Variants in ALG9 observed in about 807,000 individuals in gnomAD.
ALG9 encodes the protein alpha-1,2-mannosyltransferase ALG9.
In ALG9, 55 loss-of-function variants were observed where a neutral mutation model predicts 81.8. That is an observed-to-expected ratio of 0.67 (90% CI 0.54 to 0.84). The LOEUF is 0.84. Among genes scored for constraint, ALG9 ranks in the 40% least tolerant of loss-of-function variants. ALG9 has a pLI of 0.00. For synonymous variants in ALG9, 278 were observed against 274.3 expected (o/e 1.01, Z -0.13); for missense variants, 629 against 745.0 (o/e 0.84, Z 1.81).
the ALG9 span, chr11:111,771,247 CAT>C: frequency 6.6e-6 from 1 of 152,406 alleles, no homozygotes; most frequent in Non-Finnish European, 1.5e-5. Flanking sequence ...GCCTGGCCAA[CAT>C]AGTGAAACCC....
In ALG9 at chr11:111,868,669, G is replaced by C; in HGVS notation, c.338C>G (p.Ser113Cys). Residue 113 changes from serine (S) to cysteine (C), a missense_variant, in exon 3 of 15, where the codon TCC becomes TGC. This residue lies in a region of ALG9 where 344 missense variants were observed against 390.5 expected (regional missense o/e 0.88). Transcript: ENST00000616540. ...WEYSPAYAIRSYAYLLLHAWP... is the reference protein window; with the variant it reads ...WEYSPAYAIRCYAYLLLHAWP... Reference sequence around the variant, plus strand: ...GGCATGAAGCAACAGGTAAGCATAGGAGCGAATGGCATATGCTGGGGAATA... The same window carrying C: ...GGCATGAAGCAACAGGTAAGCATAGCAGCGAATGGCATATGCTGGGGAATA... The C allele has an allele frequency of 6.2e-7, 1 of 1,613,964 alleles. No homozygotes were observed. Among genetic ancestry groups the C allele is most frequent in the Non-Finnish European group, 8.5e-7 (1 of 1,179,852 alleles).
downstream of ALG9, among the ~76,000 whole-genome samples, chr11:111,778,822 T>C (rs1162549223): frequency 3.2e-4 from 48 of 151,346 alleles, no homozygotes; most frequent in Non-Finnish European, 6.2e-4. Context: ...TTTTCTTTTT[T>C]TTTTTTTTTG....
chr11:111,852,960 T>G (rs868909970), intron 8 of ALG9, among the ~76,000 whole-genome samples: 44 of 122,706 alleles, frequency 3.6e-4, no homozygotes, highest in Non-Finnish European at 6.1e-4. Flanking sequence ...AAAAAAAAAA[T>G]GTCTGGGGTA....
chr11:111,782,021 T>G (rs371021741), downstream of ALG9, among the ~76,000 whole-genome samples: 34 of 152,322 alleles, frequency 2.2e-4, no homozygotes, highest in Middle Eastern at 6.8e-3. Context: ...TCCCAAAGTC[T>G]TCTTCTAAAG....
Position 111,819,871 on chromosome 11 carries a change from A to G in ALG9, c.1603-10098T>C, listed in dbSNP as rs1592044191. ...GTACCTGGCATATCTCAGGCAGTCA[A>G]AAAGTATTTGCGGAAGGAAAGAATG... On this transcript the variant is annotated intron_variant, in intron 13 of 14. Coordinates refer to ENST00000616540, the MANE Select transcript of ALG9 (RefSeq NM_024740.2). Among the ~76,000 whole-genome samples, 3 of 152,214 alleles carry G rather than the reference A, an allele frequency of 2.0e-5. No individual in the cohort carries two copies. In the East Asian group the frequency reaches 5.8e-4, roughly 29 times the overall value.
At chr11:111,861,412 C>G (rs926244943) in intron 4 of ALG9, among the ~76,000 whole-genome samples, 3 of 152,188 alleles carry the variant, frequency 2.0e-5, no homozygotes, top group African/African-American at 7.2e-5. Flanking sequence ...CAATAAGAAT[C>G]TGTTAATGAT....
chr11:111,856,135 G>A (rs1958629519), intron 6 of ALG9, among the ~76,000 whole-genome samples: 1 of 151,884 alleles, frequency 6.6e-6, no homozygotes, highest in South Asian at 2.1e-4. Flanking sequence ...AAATTAGCTG[G>A]GCGTGGTGGC....
At chr11:111,826,268 C>T (rs1316442797) in intron 13 of ALG9, among the ~76,000 whole-genome samples, 4 of 151,260 alleles carry the variant, frequency 2.6e-5, no homozygotes, top group African/African-American at 4.9e-5. Context: ...GGTCCATAGT[C>T]CCAGCTACTT....
rs113655507 is a variant in ALG9 at position 111,860,887 on chromosome 11, T to C, written c.477-252A>G. ...AAGATTATATCTATCAAGTGGAAAA[T>C]AGAATGATGTGGTGAAAAATAATAG... On this transcript the variant is annotated intron_variant, in intron 4 of 14. Transcript: ENST00000616540. Among the ~76,000 whole-genome samples the C allele has an allele frequency of 6.5e-3, 987 of 152,272 alleles. 10 individuals carry two copies. The highest frequency in any genetic ancestry group is 0.022 in the African/African-American group (916 of 41,536).
chr11:111,837,219 G>A (rs1000488457), intron 12 of ALG9, among the ~76,000 whole-genome samples: 5 of 152,144 alleles, frequency 3.3e-5, no homozygotes. Flanking sequence ...GGCATTTTCA[G>A]AAGTCCCCAG....
chr11:111,868,611 T>A lies in ALG9; in HGVS notation c.396A>T (p.Gln132His), dbSNP rs1484179336. Reference protein sequence around the residue: ...WPAAFHARILQTNKILVFYFL... With the variant: ...WPAAFHARILHTNKILVFYFL... ...GTTGGTCTGCCCTTACCTTATTAGT[T>A]TGTAGAATTCTTGCATGAAATGCAG... Residue 132 changes from glutamine to histidine, a missense_variant, in exon 3 of 15, where the codon CAA becomes CAT. By Grantham distance (24) the Gln-to-His change is conservative (BLOSUM62 0). Transcript: ENST00000616540. The A allele has an allele frequency of 6.2e-7, 1 of 1,613,824 alleles. No homozygotes were observed. The highest frequency in any genetic ancestry group is 1.3e-5 in the African/African-American group (1 of 74,944).
In ALG9 at chr11:111,795,548, A is replaced by C. The variant is rs34015756; in HGVS notation, c.1734-9028T>G. Among the ~76,000 whole-genome samples, 701 of 152,352 alleles carry C rather than the reference A, an allele frequency of 4.6e-3. 7 individuals carry two copies. The highest frequency in any genetic ancestry group is 0.01 in the South Asian group (49 of 4,834). On this transcript the variant is annotated intron_variant, in intron 14 of 14. Coordinates refer to ENST00000616540, the MANE Select transcript of ALG9 (RefSeq NM_024740.2). ...TTGCTGAATCAGCATTATCCATGTG[A>C]CCAGTATGATATTTTACTTTCAGCA...
chr11:111,826,701 C>T (rs1194987925), intron 13 of ALG9, among the ~76,000 whole-genome samples: 1 of 152,158 alleles, frequency 6.6e-6, no homozygotes, highest in Non-Finnish European at 1.5e-5. Flanking sequence ...TTTCCTCATT[C>T]ATCATTTCAG....
In ALG9 at chr11:111,868,609, G is replaced by C; in HGVS notation, c.398C>G (p.Thr133Ser). The C allele has an allele frequency of 6.2e-7, 1 of 1,613,886 alleles. No individual in the cohort carries two copies. The stretch of plus-strand genomic sequence containing the variant: ...AGGTTGGTCTGCCCTTACCTTATTA[G>C]TTTGTAGAATTCTTGCATGAAATGC... Reference protein sequence around the residue: ...PAAFHARILQTNKILVFYFLR... With the variant: ...PAAFHARILQSNKILVFYFLR... Residue 133 changes from threonine to serine, a missense_variant, in exon 3 of 15, where the codon ACT becomes AGT. Physicochemically the swap from Thr to Ser is moderately conservative, Grantham distance 58 (BLOSUM62 1). Coordinates refer to ENST00000616540, the MANE Select transcript of ALG9 (RefSeq NM_024740.2).
At chr11:111,865,942 T>C (rs1309520000) in intron 3 of ALG9, among the ~76,000 whole-genome samples, 1 of 152,200 alleles carries the variant, frequency 6.6e-6, no homozygotes, top group Non-Finnish European at 1.5e-5. Context: ...AGCTTTATAC[T>C]ACAGAATACC....
In ALG9 at chr11:111,838,364, A is replaced by G; in HGVS notation, c.1209T>C (p.Phe403=). 6.2e-7 allele frequency: 1 copy of G among 1,613,630 alleles called. No individual in the cohort carries two copies. Among genetic ancestry groups the G allele is most frequent in the Middle Eastern group, 1.6e-4 (1 of 6,062 alleles). ...SFLYFQKCYH[F]VFQRYRLEHY... ...GCTCCAGGCGATATCGTTGAAACAC[A>G]AAGTGGTAACATTTCTGGAAGTACA... The change falls in exon 11 of 15, where the codon TTT becomes TTC. Residue 403 remains phenylalanine (F), a synonymous_variant. Coordinates refer to ENST00000616540, the MANE Select transcript of ALG9 (RefSeq NM_024740.2).
At chr11:111,780,940 CATT>C (rs1945899278), downstream of ALG9, among the ~76,000 whole-genome samples, 1 of 151,986 alleles carries the variant, frequency 6.6e-6, no homozygotes, top group Non-Finnish European at 1.5e-5. Flanking sequence ...GGTTCTATGC[CATT>C]ATTAAGGACA....
chr11:111,770,297 T>C, the ALG9 span, among the ~76,000 whole-genome samples: 105 of 152,208 alleles, frequency 6.9e-4, no homozygotes, highest in African/African-American at 2.3e-3. Flanking sequence ...CTAGTGTGCA[T>C]TGATACTTGA....
chr11:111,861,451 C>G (rs1208812187), intron 4 of ALG9, among the ~76,000 whole-genome samples: 1 of 152,082 alleles, frequency 6.6e-6, no homozygotes, highest in African/African-American at 2.4e-5. Flanking sequence ...TGGTTGGTTT[C>G]CTTTCGTTTC....
Sources: allele counts gnomAD v4.1 joint callset (sites outside exome capture counted in the v4.1 genomes callset), GRCh38; gene constraint gnomAD v4.1.1; regional missense constraint gnomAD v4.1.1; transcripts MANE v1.5; gene names NCBI Gene and HGNC (gene_info 2026-07-23, HGNC 2026-07-21).